GMDS: variants seen among roughly 807,000 people sequenced by gnomAD.
GMDS encodes the protein GDP-mannose 4,6 dehydratase.
Under a neutral mutation model 49.9 loss-of-function variants are expected in GMDS, and 20 were observed. The ratio of observed to expected loss-of-function variants is 0.40; its 90% CI spans 0.28 to 0.58. The LOEUF (loss-of-function observed/expected upper bound fraction) is 0.58, where lower values mean the gene tolerates loss of function less well. GMDS is among the 20% of genes least tolerant of loss of function. The pLI is 0.42. For synonymous variants in GMDS, 177 were observed against 178.6 expected (o/e 0.99, Z 0.07); for missense variants, 362 against 481.4 (o/e 0.75, Z 2.32).
At chr6:1,841,610 T>A (rs1384988974) in intron 7 of GMDS, among the ~76,000 whole-genome samples, 1 of 152,218 alleles carries the variant, frequency 6.6e-6, no homozygotes, top group Non-Finnish European at 1.5e-5. Context: ...AATATCAGAA[T>A]GGGTAACACA....
At chr6:1,948,101 A>G (rs1173155619) in intron 6 of GMDS, among the ~76,000 whole-genome samples, 1 of 152,158 alleles carries the variant, frequency 6.6e-6, no homozygotes, top group Non-Finnish European at 1.5e-5. Flanking sequence ...CACTATGATT[A>G]CCCCATTTTA....
At chr6:1,761,983 G>A (rs972772828) in intron 7 of GMDS, among the ~76,000 whole-genome samples, 3 of 152,154 alleles carry the variant, frequency 2.0e-5, no homozygotes, top group Non-Finnish European at 4.4e-5. Context: ...ACTCTAAGAG[G>A]AAGTACTAAG....
At chr6:2,123,512 T>TA (rs1775254992) in intron 2 of GMDS, among the ~76,000 whole-genome samples, 1 of 152,194 alleles carries the variant, frequency 6.6e-6, no homozygotes, top group South Asian at 2.1e-4. Context: ...TGAAACACAG[T>TA]ATGGGCATCT....
chr6:1,789,353 T>C (rs191048508), intron 7 of GMDS, among the ~76,000 whole-genome samples: 2 of 152,250 alleles, frequency 1.3e-5, no homozygotes, highest in African/African-American at 4.8e-5. Context: ...CTTATCTAGC[T>C]TGGCCAGCCC....
chr6:2,052,116 C>CAAAAAAAAAAAAAAAAAAAAACAAAAAA (rs1285013159), intron 4 of GMDS, among the ~76,000 whole-genome samples: 1 of 43,616 alleles, frequency 2.3e-5, no homozygotes, highest in African/African-American at 8.6e-5. Context: ...GACTCTGTCT[C>CAAAAAAAAAAAAAAAAAAAAACAAAAAA]AAAAAAAAAA....
intron 7 of GMDS, among the ~76,000 whole-genome samples, chr6:1,837,685 C>A (rs1344888286): frequency 6.6e-6 from 1 of 152,144 alleles, no homozygotes; most frequent in African/African-American, 2.4e-5. Context: ...GGACTGACTG[C>A]CATAGGGGCC....
At chr6:2,056,670 A>T (rs1401012530) in intron 4 of GMDS, among the ~76,000 whole-genome samples, 2 of 152,216 alleles carry the variant, frequency 1.3e-5, no homozygotes, top group Non-Finnish European at 2.9e-5. Flanking sequence ...CAGGATTAGA[A>T]TATAGAGATA....
At chr6:1,863,311 C>T (rs567540702) in intron 7 of GMDS, among the ~76,000 whole-genome samples, 7 of 152,176 alleles carry the variant, frequency 4.6e-5, no homozygotes, top group African/African-American at 1.2e-4. Flanking sequence ...AATGTTTTTA[C>T]GATTTCACTT....
rs142154816 is a variant in GMDS at position 2,196,506 on chromosome 6, T to C, written c.102+48815A>G. 8.0e-4 allele frequency among the ~76,000 whole-genome samples: 122 copies of C among 152,364 alleles called. No individual in the cohort carries two copies. In the East Asian group the frequency reaches 0.022, roughly 27 times the overall value. On this transcript the variant is annotated intron_variant, in intron 1 of 10. Transcript: ENST00000380815. ...GCAGGTCTCTAGAACTGTTTTCTTA[T>C]GTTTTTTTCTACAGTGTTTGATGCC... is the stretch of plus-strand genomic sequence containing the variant.
chr6:1,886,583 G>T (rs1035032452), intron 7 of GMDS, among the ~76,000 whole-genome samples: 1 of 152,050 alleles, frequency 6.6e-6, no homozygotes, highest in East Asian at 1.9e-4. Context: ...GTTTTGTAAG[G>T]AACAATGACC....
At chr6:2,161,284 C>T (rs1777388093) in intron 1 of GMDS, among the ~76,000 whole-genome samples, 1 of 152,202 alleles carries the variant, frequency 6.6e-6, no homozygotes, top group Non-Finnish European at 1.5e-5. Context: ...GCTGGGATTA[C>T]AAGCGTGAGC....
In GMDS at chr6:1,930,214, A is replaced by G; in HGVS notation, c.660T>C (p.Thr220=). 1 of 1,613,076 alleles carries G rather than the reference A, an allele frequency of 6.2e-7. No individual in the cohort carries two copies. Among genetic ancestry groups the G allele is most frequent in the Non-Finnish European group, 8.5e-7 (1 of 1,179,368 alleles). Reference sequence around the variant, plus strand: ...TAGCTACTGACCGGCTAATTTTTCGAGTAACGAAATTAGCTCCTAAAAAGA... The same window carrying G: ...TAGCTACTGACCGGCTAATTTTTCGGGTAACGAAATTAGCTCCTAAAAAGA... ...ESPRRGANFV[T]RKISRSVAKI... Residue 220 remains threonine, a synonymous_variant, in exon 7 of 11, where the codon ACT becomes ACC. Transcript: ENST00000380815.
chr6:1,727,268 T>C (rs945623338), intron 8 of GMDS, among the ~76,000 whole-genome samples: 1 of 152,324 alleles, frequency 6.6e-6, no homozygotes, highest in South Asian at 2.1e-4. Context: ...GTCCACACTA[T>C]GCAGGATGAG....
intron 7 of GMDS, among the ~76,000 whole-genome samples, chr6:1,820,696 TAAC>T (rs1770853290): frequency 6.6e-6 from 1 of 152,234 alleles, no homozygotes; most frequent in African/African-American, 2.4e-5. Flanking sequence ...TGTAGAGAGC[TAAC>T]AACTCACTTT....
chr6:2,207,146 C>T (rs1014820098), intron 1 of GMDS, among the ~76,000 whole-genome samples: 6 of 152,300 alleles, frequency 3.9e-5, no homozygotes, highest in East Asian at 3.9e-4. Flanking sequence ...CTGCTGATTA[C>T]GGGGTCAACA....
At chr6:1,963,570 T>A (rs1764093704) in intron 4 of GMDS, among the ~76,000 whole-genome samples, 1 of 152,220 alleles carries the variant, frequency 6.6e-6, no homozygotes, top group South Asian at 2.1e-4. Context: ...TTGTGTATGG[T>A]TAGGGGTCCA....
At chr6:1,703,174 G>A (rs79725126) in intron 9 of GMDS, among the ~76,000 whole-genome samples, 5,905 of 152,232 alleles carry the variant, frequency 0.039, 379 homozygotes, top group African/African-American at 0.13. Context: ...TGCTGGCTAC[G>A]TGGGCACAGG....
chr6:1,804,366 C>T (rs906329436), intron 7 of GMDS, among the ~76,000 whole-genome samples: 53 of 152,272 alleles, frequency 3.5e-4, no homozygotes, highest in African/African-American at 1.2e-3. Context: ...GGCTGGCCAG[C>T]GGGCAGATGC....
chr6:1,659,275 T>G (rs1763990026), intron 9 of GMDS, among the ~76,000 whole-genome samples: 2 of 151,710 alleles, frequency 1.3e-5, no homozygotes. Flanking sequence ...TCGTTTCAAC[T>G]GCACGATTCA....
Sources: allele counts gnomAD v4.1 joint callset (sites outside exome capture counted in the v4.1 genomes callset), GRCh38; gene constraint gnomAD v4.1.1; transcripts MANE v1.5; gene names NCBI Gene and HGNC (gene_info 2026-07-23, HGNC 2026-07-21).